RTN4: variants seen among roughly 807,000 people sequenced by gnomAD.
The protein encoded by RTN4 is reticulon 4.
RTN4 carries 32 observed loss-of-function variants against 90.4 expected under a neutral mutation model. The ratio of observed to expected loss-of-function variants is 0.35; its 90% CI spans 0.27 to 0.48. The LOEUF (loss-of-function observed/expected upper bound fraction) is 0.48, where lower values mean the gene tolerates loss of function less well. Among genes scored for constraint, RTN4 ranks in the 20% least tolerant of loss-of-function variants. RTN4 has a pLI of 0.99. For synonymous variants in RTN4, 629 were observed against 552.5 expected, an observed-to-expected ratio of 1.14 and a Z score of -1.94; for missense variants, 1,706 against 1,430.2, an observed-to-expected ratio of 1.19 and a Z score of -3.11.
chr2:55,103,331 G>T (rs1667886905), intron 1 of RTN4, among the ~76,000 whole-genome samples: 1 of 151,874 alleles, frequency 6.6e-6, no homozygotes, highest in Non-Finnish European at 1.5e-5. Flanking sequence ...GGAAAAATGG[G>T]GAGATGATGA....
chr2:54,992,943 G>T (rs1679126053), intron 3 of RTN4, among the ~76,000 whole-genome samples: 1 of 151,706 alleles, frequency 6.6e-6, no homozygotes, highest in South Asian at 2.1e-4. Flanking sequence ...GCTTGGTGGT[G>T]GGCACCTGTA....
chr2:55,063,982 C>T (rs530050670), intron 2 of RTN4, among the ~76,000 whole-genome samples: 39 of 151,864 alleles, frequency 2.6e-4, no homozygotes, highest in Non-Finnish European at 5.0e-4. Flanking sequence ...GCACTTTGGG[C>T]GACCAAGGTG....
chr2:54,987,959 T>C (rs1275970925), intron 3 of RTN4, among the ~76,000 whole-genome samples: 1 of 152,202 alleles, frequency 6.6e-6, no homozygotes, highest in East Asian at 1.9e-4. Context: ...ATTCTAGCCA[T>C]ACACAATGAT....
upstream of RTN4, among the ~76,000 whole-genome samples, chr2:55,052,032 G>T (rs1668101828): frequency 6.6e-6 from 1 of 151,966 alleles, no homozygotes; most frequent in Admixed American, 6.6e-5. Context: ...GCTTAATTTG[G>T]GTATTAAAAA....
the RTN4 span, among the ~76,000 whole-genome samples, chr2:55,118,857 G>A: frequency 6.6e-6 from 1 of 152,178 alleles, no homozygotes; most frequent in Non-Finnish European, 1.5e-5. Context: ...ATGGGTCCCT[G>A]ACAATTTATC....
At position 55,050,099 on chromosome 2, in the gene RTN4, C is replaced by G. The variant is rs1274210433; in HGVS notation, c.202G>C (p.Val68Leu). 6.7e-7 allele frequency: 1 copy of G among 1,490,936 alleles called. No individual in the cohort carries two copies. The highest frequency in any genetic ancestry group is 1.3e-5 in the South Asian group (1 of 78,800). The allele number at this position is 1,490,936 out of a possible 1,614,324, so 92.4% of individuals were successfully genotyped here. A position where few individuals can be genotyped will look rare whatever the true frequency, so the allele number is the denominator to read the frequency against. ...KPAAGLSAAP[V>L]PTAPAAGAPL... ...GCGCCGGCGGCAGGGGCGGTGGGCA[C>G]TGGGGCCGCGGACAGCCCGGCGGCG... is the stretch of plus-strand genomic sequence containing the variant. The change falls in exon 1 of 9, where the codon GTG becomes CTG. Residue 68 changes from valine to leucine, a missense_variant. Val to Leu is a conservative substitution (Grantham distance 32). Coordinates refer to ENST00000337526, the MANE Select transcript of RTN4 (RefSeq NM_020532.5). This position sits in a 1 kb window ranked among gnomAD's most constrained non-coding sequence, Gnocchi z 4.6.
chr2:55,135,602 G>A, the RTN4 span, among the ~76,000 whole-genome samples: 1 of 152,106 alleles, frequency 6.6e-6, no homozygotes, highest in African/African-American at 2.4e-5. Context: ...AAGTATAATT[G>A]GCACACAATA....
chr2:55,028,265 T>C (rs776258178), intron 1 of RTN4, 45 bp from the exon 2 acceptor site: 7 of 1,551,456 alleles, frequency 4.5e-6, no homozygotes, highest in South Asian at 2.3e-5. Flanking sequence ...TAAAGACAGA[T>C]TGAAAGGAGA....
chr2:55,112,132 G>C (rs1668049768), intron 1 of RTN4, among the ~76,000 whole-genome samples: 1 of 152,208 alleles, frequency 6.6e-6, no homozygotes, highest in African/African-American at 2.4e-5. Flanking sequence ...CCCCCTGTGG[G>C]GGAGCGTGTT....
intron 2 of RTN4, chr2:55,056,359 T>A (rs1479093727): frequency 1.3e-5 from 2 of 152,082 alleles, no homozygotes; most frequent in Non-Finnish European, 2.9e-5. Flanking sequence ...TACGTAATAA[T>A]GGCCCCAGAG....
chr2:55,135,489 G>A, the RTN4 span, among the ~76,000 whole-genome samples: 456 of 152,288 alleles, frequency 3.0e-3, 2 homozygotes, highest in Middle Eastern at 0.014. Flanking sequence ...TTACAGGCGT[G>A]AGCCACCATG....
At chr2:54,976,029 C>T (rs1677604196) in intron 5 of RTN4, among the ~76,000 whole-genome samples, 1 of 152,180 alleles carries the variant, frequency 6.6e-6, no homozygotes, top group African/African-American at 2.4e-5. Context: ...ACTCCTATTG[C>T]TGAAGCTAAA....
chr2:54,987,499 G>A lies in RTN4; in HGVS notation c.3213C>T (p.His1071=). 1.2e-6 allele frequency: 2 copies of A among 1,611,488 alleles called. No individual in the cohort carries two copies. The highest frequency in any genetic ancestry group is 2.2e-5 in the East Asian group (1 of 44,856). The change falls in exon 4 of 9, where the codon CAC becomes CAT. Residue 1071 remains histidine (H), a synonymous_variant. Transcript: ENST00000337526. ...TTTTCCAGACATCTCACCTGAATGG[G>A]TGGCCTTCATCTGATTTCTGGATAG... ...IQAIQKSDEG[H]PFRAYLESEV...
At chr2:54,984,163 A>G (rs1336162495) in intron 4 of RTN4, among the ~76,000 whole-genome samples, 1 of 152,174 alleles carries the variant, frequency 6.6e-6, no homozygotes, top group Non-Finnish European at 1.5e-5. Context: ...TTATCTGCCA[A>G]TCTCTTTCAT....
At chr2:54,978,462 G>A (rs1677847548) in intron 5 of RTN4, among the ~76,000 whole-genome samples, 1 of 147,204 alleles carries the variant, frequency 6.8e-6, no homozygotes, top group Non-Finnish European at 1.5e-5. Context: ...AAGAGCTAGT[G>A]ATAATTGTGA....
At chr2:55,028,087 A>G in intron 2 of RTN4, 77 bp downstream of exon 2, 4 of 1,271,874 alleles carry the variant, frequency 3.1e-6, no homozygotes, top group Non-Finnish European at 4.4e-6. Context: ...AACCCAAACT[A>G]CTCTGCATAG....
At chr2:55,065,508 TATAAA>T (rs1397261067) in intron 2 of RTN4, among the ~76,000 whole-genome samples, 1 of 151,742 alleles carries the variant, frequency 6.6e-6, no homozygotes, top group Non-Finnish European at 1.5e-5. Flanking sequence ...ATCTAAAACT[TATAAA>T]ATAAAAAAAA....
intron 3 of RTN4, chr2:55,010,401 C>T (rs1249811851): frequency 8.1e-7 from 1 of 1,228,172 alleles, no homozygotes; most frequent in African/African-American, 1.5e-5. Context: ...CCTTGTTGCT[C>T]ATACCAAATG....
intron 2 of RTN4, among the ~76,000 whole-genome samples, chr2:55,078,778 G>A (rs1243189224): frequency 6.6e-6 from 1 of 152,192 alleles, no homozygotes; most frequent in African/African-American, 2.4e-5. Flanking sequence ...TGGAAAGACG[G>A]AGAATGTGAA....
Sources: gnomAD v4.1 joint callset for allele counts (sites outside exome capture counted in the v4.1 genomes callset) on GRCh38, gnomAD v4.1.1 for gene constraint, Gnocchi (gnomAD v3.1) non-coding constraint, MANE v1.5 for transcripts, NCBI Gene and HGNC (gene_info 2026-07-23, HGNC 2026-07-21) for gene names.